The following RARB variants were observed in gnomAD, a reference collection of about 807,000 sequenced individuals.
RARB encodes HBV-activated protein.
A neutral mutation model predicts 51.9 loss-of-function variants in RARB; 17 were observed. The ratio of observed to expected loss-of-function variants is 0.33; its 90% CI spans 0.22 to 0.49. The LOEUF is 0.49. Among genes scored for constraint, RARB ranks in the 20% least tolerant of loss-of-function variants. The probability of loss-of-function intolerance (pLI) is 0.99; values close to 1 mark genes in which losing one functional copy is unlikely to be tolerated. For synonymous variants in RARB, 215 were observed against 195.4 expected, an observed-to-expected ratio of 1.10 and a Z score of -0.84; for missense variants, 369 against 550.8, an observed-to-expected ratio of 0.67 and a Z score of 3.30.
intron 2 of RARB, among the ~76,000 whole-genome samples, chr3:25,045,442 G>A (rs905653867): frequency 2.0e-5 from 3 of 152,174 alleles, no homozygotes; most frequent in Non-Finnish European, 2.9e-5. Context: ...TGGACAGCCT[G>A]TTGGCTCCCT....
chr3:25,097,973 G>A (rs1010091754), intron 3 of RARB, among the ~76,000 whole-genome samples: 2 of 152,126 alleles, frequency 1.3e-5, no homozygotes, highest in Non-Finnish European at 1.5e-5. Flanking sequence ...AAAGTCCTTT[G>A]GAGATTCAGA....
intron 5 of RARB, among the ~76,000 whole-genome samples, chr3:25,311,611 C>T (rs1704291939): frequency 6.6e-6 from 1 of 152,218 alleles, no homozygotes; most frequent in Non-Finnish European, 1.5e-5. Context: ...AGCGGGGCAG[C>T]TGAGGGCTTC....
intron 2 of RARB, among the ~76,000 whole-genome samples, chr3:24,906,669 CCT>C (rs1265049295): frequency 1.3e-5 from 2 of 151,640 alleles, no homozygotes; most frequent in Non-Finnish European, 2.9e-5. Context: ...ATGGTGAAAC[CCT>C]GTCTTTTCTA....
intron 3 of RARB, among the ~76,000 whole-genome samples, chr3:25,531,488 T>C (rs548111548): frequency 9.7e-4 from 148 of 152,268 alleles, no homozygotes; most frequent in African/African-American, 3.4e-3. Flanking sequence ...TGTGTATATC[T>C]CAAATTATTA....
At chr3:24,958,070 G>C (rs1021972835) in intron 2 of RARB, among the ~76,000 whole-genome samples, 6 of 152,008 alleles carry the variant, frequency 3.9e-5, no homozygotes, top group Non-Finnish European at 7.4e-5. Flanking sequence ...TTTAACATCT[G>C]GCTCTTGTGA....
At position 25,203,799 on chromosome 3, in the gene RARB, C is replaced by A. The variant is rs912039282; in HGVS notation, c.178+29224C>A. The stretch of plus-strand genomic sequence containing the variant: ...GCTTGTAGAGTTTCTGTCAAGAAAT[C>A]TACTATTAGTCTGATGGGCTTCCCT... On this transcript the variant is annotated intron_variant, in intron 5 of 11. Transcript: ENST00000383772. Among the ~76,000 whole-genome samples the A allele has an allele frequency of 3.3e-5, 5 of 152,196 alleles. No individual in the cohort carries two copies. The East Asian group carries it at 9.6e-4, about 29-fold the overall frequency.
intron 5 of RARB, among the ~76,000 whole-genome samples, chr3:25,246,204 C>T (rs192855321): frequency 2.8e-4 from 42 of 152,128 alleles, no homozygotes; most frequent in Admixed American, 5.9e-4. Flanking sequence ...CTAGTTATTC[C>T]AGTTAGCAGT....
chr3:25,334,402 C>A (rs1249834622), intron 5 of RARB, among the ~76,000 whole-genome samples: 2 of 152,114 alleles, frequency 1.3e-5, no homozygotes, highest in African/African-American at 2.4e-5. Context: ...AGTAGGAAAC[C>A]ATCATTCTGA....
At chr3:25,472,148 A>G (rs1320883626) in intron 2 of RARB, among the ~76,000 whole-genome samples, 2 of 152,232 alleles carry the variant, frequency 1.3e-5, no homozygotes, top group African/African-American at 4.8e-5. Flanking sequence ...AAACCCCCAC[A>G]AGGTACAATG....
At chr3:25,504,142 G>C (rs932271720) in intron 3 of RARB, among the ~76,000 whole-genome samples, 1 of 152,204 alleles carries the variant, frequency 6.6e-6, no homozygotes, top group Non-Finnish European at 1.5e-5. Context: ...ACAACTCTAC[G>C]CATGTCACTG....
chr3:24,949,992 T>G (rs1695855115), intron 2 of RARB, among the ~76,000 whole-genome samples: 1 of 152,228 alleles, frequency 6.6e-6, no homozygotes, highest in Admixed American at 6.5e-5. Flanking sequence ...AAGGACAGAT[T>G]ATAGCAGTTG....
intron 5 of RARB, among the ~76,000 whole-genome samples, chr3:25,222,722 G>C (rs972167873): frequency 1.3e-5 from 2 of 152,128 alleles, no homozygotes; most frequent in Non-Finnish European, 2.9e-5. Flanking sequence ...CCTTGTATAA[G>C]AGATGCTAAG....
rs147357581 is a variant in RARB, at chr3:24,872,001, C to G, written c.-380+13249C>G. On this transcript the variant is annotated intron_variant, in intron 2 of 11. Coordinates refer to the RARB transcript ENST00000383772. ...ACTTTGAAAAGGGGCCTGCTTTGTT[C>G]CCTTACCCCTCTACAAACTGTTTTC... Among the ~76,000 whole-genome samples the G allele has an allele frequency of 3.9e-5, 6 of 152,236 alleles. No individual in the cohort carries two copies. In the East Asian group the frequency reaches 1.2e-3, roughly 29 times the overall value.
In RARB at chr3:25,580,531, TTCTC is replaced by T; in HGVS notation, c.610-8_610-5del. ...CCCGGAAACTGTATCTGATGACATT[TTCTC>T]TCTCTCCTAGAATTCCAGTGCTGAC... On this transcript the variant is annotated splice_polypyrimidine_tract_variant and intron_variant, in intron 4 of 7. Coordinates refer to ENST00000330688, the MANE Select transcript of RARB (RefSeq NM_000965.5). 6.4e-7 allele frequency: 1 copy of T among 1,558,174 alleles called. No homozygotes were observed. Among genetic ancestry groups the T allele is most frequent in the Non-Finnish European group, 8.8e-7 (1 of 1,138,802 alleles).
chr3:25,054,268 C>T (rs759263413), intron 2 of RARB, among the ~76,000 whole-genome samples: 2 of 152,122 alleles, frequency 1.3e-5, no homozygotes, highest in Non-Finnish European at 2.9e-5. Flanking sequence ...GGGAAGTTGG[C>T]TAAGCACTAC....
At chr3:25,406,288 C>G (rs1440642768) in intron 5 of RARB, among the ~76,000 whole-genome samples, 1 of 152,200 alleles carries the variant, frequency 6.6e-6, no homozygotes, top group Admixed American at 6.5e-5. Flanking sequence ...GAAGGGCATT[C>G]ACTCCAAAGA....
At chr3:24,879,658 T>C (rs574184604) in intron 2 of RARB, among the ~76,000 whole-genome samples, 1 of 152,090 alleles carries the variant, frequency 6.6e-6, no homozygotes, top group Admixed American at 6.5e-5. Flanking sequence ...ACCTGATCTT[T>C]TAAACAAAAA....
chr3:25,231,303 C>T (rs1410940758), intron 5 of RARB, among the ~76,000 whole-genome samples: 3 of 152,158 alleles, frequency 2.0e-5, no homozygotes, highest in Non-Finnish European at 4.4e-5. Flanking sequence ...AGCGTTTACA[C>T]CTTCTTTAAA....
chr3:25,253,767 A>G (rs1313335274), intron 5 of RARB, among the ~76,000 whole-genome samples: 3 of 152,174 alleles, frequency 2.0e-5, no homozygotes, highest in Non-Finnish European at 2.9e-5. Context: ...ATAAGGCTAT[A>G]AAGGTTACAT....
Sources: allele counts gnomAD v4.1 joint callset (sites outside exome capture counted in the v4.1 genomes callset), GRCh38; gene constraint gnomAD v4.1.1; transcripts MANE v1.5; gene names NCBI Gene and HGNC (gene_info 2026-07-23, HGNC 2026-07-21).